Variants in THBS2 observed in about 807,000 individuals in gnomAD.
The protein encoded by THBS2 is thrombospondin 2, also known as thrombospondin-2.
A neutral mutation model predicts 135.2 loss-of-function variants in THBS2; 47 were observed. That is an observed-to-expected ratio of 0.35 (90% confidence interval 0.28 to 0.44). THBS2 has a LOEUF of 0.44. THBS2 is among the 20% of genes least tolerant of loss of function. The pLI is 1.00. For synonymous variants in THBS2, 639 were observed against 633.8 expected, an observed-to-expected ratio of 1.01 and a Z score of -0.12; for missense variants, 1,288 against 1,603.1, an observed-to-expected ratio of 0.80 and a Z score of 3.36.
At position 169,237,162 on chromosome 6, in the gene THBS2, G is replaced by T; in HGVS notation, c.1477+8C>A. 1 of 1,600,988 alleles carries T rather than the reference G, an allele frequency of 6.2e-7. No homozygotes were observed. The highest frequency in any genetic ancestry group is 2.2e-5 in the East Asian group (1 of 44,810). On this transcript the variant is annotated splice_region_variant and intron_variant, in intron 9 of 21. Coordinates refer to ENST00000617924, the MANE Select transcript of THBS2 (RefSeq NM_003247.5). ...GCCCACCCAGGGCCCCGCCTTCACCGTACTTACTTGGGCATGGGGCGCCCT... is the reference window on the plus strand; with the variant it reads ...GCCCACCCAGGGCCCCGCCTTCACCTTACTTACTTGGGCATGGGGCGCCCT...
intron 17 of THBS2, among the ~76,000 whole-genome samples, chr6:169,224,068 G>A (rs1779531929): frequency 6.6e-6 from 1 of 152,194 alleles, no homozygotes; most frequent in Non-Finnish European, 1.5e-5. Flanking sequence ...CAGTCTATCA[G>A]TCTACGGCGA....
At chr6:169,238,281 A>G (rs1384482566) in intron 7 of THBS2, among the ~76,000 whole-genome samples, 1 of 152,244 alleles carries the variant, frequency 6.6e-6, no homozygotes, top group African/African-American at 2.4e-5. Context: ...AAACTGAAAC[A>G]AGCTAATAAA....
intron 15 of THBS2, among the ~76,000 whole-genome samples, chr6:169,226,872 A>T (rs11968752): frequency 0.11 from 16,912 of 152,216 alleles, 1,094 homozygotes; most frequent in South Asian, 0.15. Flanking sequence ...AGTCCACAGG[A>T]AGAGCCAGAA....
chr6:169,247,801 T>C (rs1170661438), intron 3 of THBS2, among the ~76,000 whole-genome samples: 1 of 150,426 alleles, frequency 6.6e-6, no homozygotes, highest in Non-Finnish European at 1.5e-5. Context: ...CGTCTGTGAA[T>C]GTGAGTGCAT....
intron 2 of THBS2, 93 bp from the exon 3 acceptor site, chr6:169,249,066 G>C: frequency 2.4e-6 from 3 of 1,241,706 alleles, no homozygotes; most frequent in Non-Finnish European, 2.2e-6. Flanking sequence ...TCGCGTGTAA[G>C]GAAATTAACG....
In THBS2 at chr6:169,226,861, G is replaced by A. The variant is rs889221750; in HGVS notation, c.2420-563C>T. ...ACAGAGCAAAATGTTACACGGCAGC[G>A]AGTCCACAGGAAGAGCCAGAACTGA... is the stretch of plus-strand genomic sequence containing the variant. On this transcript the variant is annotated intron_variant, in intron 15 of 21. Coordinates refer to ENST00000617924, the MANE Select transcript of THBS2 (RefSeq NM_003247.5). Among the ~76,000 whole-genome samples, 11 of 152,212 alleles carry A rather than the reference G, an allele frequency of 7.2e-5. No individual in the cohort carries two copies. In the South Asian group the frequency reaches 1.9e-3, roughly 26 times the overall value.
At chr6:169,245,593 C>T (rs1371205557) in intron 4 of THBS2, among the ~76,000 whole-genome samples, 1 of 152,036 alleles carries the variant, frequency 6.6e-6, no homozygotes, top group Admixed American at 6.5e-5. Context: ...GAGATCGAGA[C>T]CATCTTGGCT....
At chr6:169,227,004 C>T (rs931124068) in intron 15 of THBS2, among the ~76,000 whole-genome samples, 13 of 152,166 alleles carry the variant, frequency 8.5e-5, no homozygotes, top group African/African-American at 2.7e-4. Flanking sequence ...ACATCACAGA[C>T]GCCATCCTGG....
intron 21 of THBS2, among the ~76,000 whole-genome samples, chr6:169,218,677 G>A (rs1198768368): frequency 1.2e-4 from 7 of 57,904 alleles, no homozygotes; most frequent in African/African-American, 5.0e-4. Flanking sequence ...GGGCGGATGA[G>A]TAGATGGATG....
Position 169,216,813 on chromosome 6 carries a change from CACTT to C in THBS2, c.*1005_*1008del. 6.6e-6 allele frequency: 1 copy of C among 152,166 alleles called. No homozygotes were observed. 9.4% of individuals were successfully genotyped at this position (152,166 alleles called of 1,614,324 possible). A position where few individuals can be genotyped will look rare whatever the true frequency, so the allele number is the denominator to read the frequency against. On this transcript the variant is annotated 3_prime_UTR_variant, in exon 22 of 22. Transcript: ENST00000617924. ...GGTAAATGGAGTTGCATTCTATAGT[CACTT>C]AATAAATATTAACAAAATATTTATA...
rs372125857 is a variant in THBS2 at position 169,226,168 on chromosome 6, G to A, written c.2538+12C>T. The A allele has an allele frequency of 3.7e-5, 59 of 1,607,074 alleles. No homozygotes were observed. The highest frequency in any genetic ancestry group is 5.5e-5 in the South Asian group (5 of 90,620). ...AGGACCTCCAACCCCGCCTGTCTGCGGCTGCCCTCACCTGGTCAGGGTTGT... is the reference window on the plus strand; with the variant it reads ...AGGACCTCCAACCCCGCCTGTCTGCAGCTGCCCTCACCTGGTCAGGGTTGT... On this transcript the variant is annotated intron_variant, in intron 16 of 21. Coordinates refer to ENST00000617924, the MANE Select transcript of THBS2 (RefSeq NM_003247.5).
At chr6:169,242,578 C>CCACCTT (rs1401595406) in intron 4 of THBS2, among the ~76,000 whole-genome samples, 1 of 127,844 alleles carries the variant, frequency 7.8e-6, no homozygotes, top group African/African-American at 2.9e-5. Flanking sequence ...TCCCACCTTC[C>CCACCTT]CCCAAATTCC....
At chr6:169,236,296 A>G (rs1270175627) in intron 9 of THBS2, among the ~76,000 whole-genome samples, 3 of 61,734 alleles carry the variant, frequency 4.9e-5, no homozygotes, top group Non-Finnish European at 9.3e-5. Flanking sequence ...ACTCATTCCC[A>G]TCCACAGTCA....
chr6:169,233,693 A>C (rs1409374011), intron 10 of THBS2, among the ~76,000 whole-genome samples: 1 of 146,772 alleles, frequency 6.8e-6, no homozygotes, highest in Non-Finnish European at 1.5e-5. Flanking sequence ...CCACACAACT[A>C]CCTATGTGCC....
rs1311354537 is a variant in THBS2, at chr6:169,229,669, G to A, written c.2162C>T (p.Pro721Leu). The A allele has an allele frequency of 6.2e-7, 1 of 1,613,666 alleles. No individual in the cohort carries two copies. The highest frequency in any genetic ancestry group is 1.1e-5 in the South Asian group (1 of 91,038). ...TTCCTGCCCAGAATTTGGCAGATGG[G>A]GGCAGTTATCCTGCAATTGGAGAAG... ...ATYHCIKDNC[P>L]HLPNSGQEDF... Residue 721 changes from proline to leucine, a missense_variant, in exon 14 of 22, where the codon CCC becomes CTC. Physicochemically the swap from Pro to Leu is moderately conservative, Grantham distance 98. Transcript: ENST00000617924.
chr6:169,249,238 G>T (rs950297719), intron 2 of THBS2, among the ~76,000 whole-genome samples: 3 of 152,194 alleles, frequency 2.0e-5, no homozygotes, highest in African/African-American at 7.2e-5. Context: ...GCTGGTCGAG[G>T]AGCGTGTGCC....
At chr6:169,221,382 G>T in intron 20 of THBS2, 48 bp downstream of exon 20, 1 of 1,544,384 alleles carries the variant, frequency 6.5e-7, no homozygotes, top group Middle Eastern at 1.7e-4. Context: ...TGTGCCGTCC[G>T]ATGGGAAGCC....
chr6:169,231,810 G>A (rs368409844), intron 13 of THBS2, among the ~76,000 whole-genome samples, 170 bp downstream of exon 13: 3 of 152,308 alleles, frequency 2.0e-5, no homozygotes, highest in South Asian at 4.1e-4. Context: ...AGGACCTCCA[G>A]AGAGGGGACC....
At chr6:169,222,916 C>T (rs553927067) in intron 18 of THBS2, among the ~76,000 whole-genome samples, 3 of 152,278 alleles carry the variant, frequency 2.0e-5, no homozygotes, top group East Asian at 1.9e-4. Context: ...CTCATCATCC[C>T]GATGGGCTCT....
Sources: allele counts gnomAD v4.1 joint callset (sites outside exome capture counted in the v4.1 genomes callset), GRCh38; gene constraint gnomAD v4.1.1; transcripts MANE v1.5; gene names NCBI Gene and HGNC (gene_info 2026-07-23, HGNC 2026-07-21).